APP: variants seen among roughly 807,000 people sequenced by gnomAD.
APP encodes amyloid-beta precursor protein.
A neutral mutation model predicts 101.4 loss-of-function variants in APP; 31 were observed. The observed-to-expected ratio is 0.31, with a 90% CI of 0.23 to 0.41. The LOEUF is 0.41. Among genes scored for constraint, APP ranks in the 10% least tolerant of loss-of-function variants. The probability of loss-of-function intolerance (pLI) is 1.00; values close to 1 mark genes in which losing one functional copy is unlikely to be tolerated. For synonymous variants in APP, 366 were observed against 364.4 expected, an observed-to-expected ratio of 1.00 and a Z score of -0.05; for missense variants, 839 against 1,003.7, an observed-to-expected ratio of 0.84 and a Z score of 2.22.
At chr21:25,891,081 T>A (rs924026416) in intron 17 of APP, among the ~76,000 whole-genome samples, 1 of 152,218 alleles carries the variant, frequency 6.6e-6, no homozygotes, top group Non-Finnish European at 1.5e-5. Flanking sequence ...TCGTAAATTT[T>A]CTTTCTCTCT....
intron 5 of APP, among the ~76,000 whole-genome samples, chr21:26,027,358 TTC>T (rs1243853733): frequency 6.6e-6 from 1 of 152,198 alleles, no homozygotes. Flanking sequence ...ACGGTTCTCC[TTC>T]TCTCTGTCTC....
At chr21:26,097,121 G>A (rs17001704) in intron 2 of APP, among the ~76,000 whole-genome samples, 2,556 of 152,192 alleles carry the variant, frequency 0.017, 29 homozygotes, top group South Asian at 0.029. Context: ...AAAAAGGCCC[G>A]GCTTGCATGC....
intron 5 of APP, among the ~76,000 whole-genome samples, chr21:26,025,207 T>A (rs55760856): frequency 6.6e-6 from 1 of 152,202 alleles, no homozygotes; most frequent in Non-Finnish European, 1.5e-5. Flanking sequence ...TGCCCTGAGC[T>A]TCTGCCTTTG....
intron 13 of APP, among the ~76,000 whole-genome samples, chr21:25,917,493 C>A (rs2039411599): frequency 1.3e-5 from 2 of 152,110 alleles, no homozygotes; most frequent in Admixed American, 6.5e-5. Context: ...GAATAGGAAG[C>A]AGATGAATTC....
intron 13 of APP, among the ~76,000 whole-genome samples, chr21:25,913,349 C>G (rs1048000495): frequency 6.6e-6 from 1 of 152,212 alleles, no homozygotes. Context: ...TCCCTATTCA[C>G]TGTGGCACCG....
chr21:26,134,354 C>T (rs1345252378), intron 1 of APP, among the ~76,000 whole-genome samples: 1 of 152,212 alleles, frequency 6.6e-6, no homozygotes, highest in African/African-American at 2.4e-5. Flanking sequence ...CAGGTTGTAG[C>T]CTGTGCTTCT....
At chr21:26,029,704 G>C (rs1023231327) in intron 5 of APP, among the ~76,000 whole-genome samples, 13 of 152,134 alleles carry the variant, frequency 8.5e-5, no homozygotes, top group African/African-American at 3.1e-4. Context: ...GCACAGAGCA[G>C]GTCTTGGCAA....
At chr21:26,021,452 C>T (rs2044333239) in intron 6 of APP, among the ~76,000 whole-genome samples, 1 of 152,052 alleles carries the variant, frequency 6.6e-6, no homozygotes, top group Non-Finnish European at 1.5e-5. Flanking sequence ...AAATCAAGTC[C>T]TTACCCTCAA....
chr21:25,993,079 C>T (rs1477363985), intron 8 of APP, among the ~76,000 whole-genome samples: 3 of 152,152 alleles, frequency 2.0e-5, no homozygotes, highest in South Asian at 2.1e-4. Flanking sequence ...GAGTTTTCTA[C>T]GATTTGAAAA....
intron 13 of APP, among the ~76,000 whole-genome samples, chr21:25,936,990 A>C (rs1212709939): frequency 1.3e-5 from 2 of 152,118 alleles, no homozygotes; most frequent in African/African-American, 4.8e-5. Flanking sequence ...CAAGGAAGTG[A>C]TTTATTTCAG....
At chr21:26,144,287 C>T (rs1275530867) in intron 1 of APP, among the ~76,000 whole-genome samples, 1 of 152,128 alleles carries the variant, frequency 6.6e-6, no homozygotes, top group East Asian at 1.9e-4. Flanking sequence ...GGAGCCAAAC[C>T]ACATCACTCA....
At chr21:26,062,143 G>T (rs1452439999) in intron 3 of APP, among the ~76,000 whole-genome samples, 1 of 151,910 alleles carries the variant, frequency 6.6e-6, no homozygotes, top group Non-Finnish European at 1.5e-5. Flanking sequence ...CAGGGAGGCG[G>T]AGGTTGCAGT....
intron 3 of APP, among the ~76,000 whole-genome samples, chr21:26,054,035 TACC>T (rs1475398768): frequency 6.6e-6 from 1 of 152,212 alleles, no homozygotes; most frequent in Non-Finnish European, 1.5e-5. Context: ...GATGGATAAT[TACC>T]ACATTATATG....
At chr21:25,994,249 C>T (rs1601144704) in intron 8 of APP, among the ~76,000 whole-genome samples, 1 of 152,150 alleles carries the variant, frequency 6.6e-6, no homozygotes, top group African/African-American at 2.4e-5. Flanking sequence ...TTGCACTGTC[C>T]TAAACCCAAA....
chr21:25,967,907 T>G (rs541624192), intron 11 of APP, among the ~76,000 whole-genome samples: 3 of 152,318 alleles, frequency 2.0e-5, no homozygotes, highest in Admixed American at 1.3e-4. Context: ...GAAGTTAACC[T>G]CCTGTGCTGC....
intron 6 of APP, among the ~76,000 whole-genome samples, chr21:26,014,860 AT>A (rs1195514039): frequency 1.3e-5 from 2 of 152,208 alleles, no homozygotes; most frequent in Non-Finnish European, 2.9e-5. Context: ...TTATCATCAC[AT>A]GAGACGGTGA....
intron 17 of APP, among the ~76,000 whole-genome samples, chr21:25,891,130 C>G (rs556962899): frequency 8.5e-4 from 130 of 152,226 alleles, no homozygotes; most frequent in Middle Eastern, 6.8e-3. Context: ...TAAGATATTT[C>G]AGGTGGAAGT....
intron 3 of APP, chr21:26,067,980 T>C (rs2046525567): frequency 6.6e-6 from 1 of 151,632 alleles, no homozygotes; most frequent in South Asian, 2.1e-4. Flanking sequence ...ATTAAGGTTA[T>C]ATACGGGGCT....
chr21:25,982,732 T>C (rs2042481692), intron 8 of APP, among the ~76,000 whole-genome samples: 2 of 152,194 alleles, frequency 1.3e-5, no homozygotes, highest in Non-Finnish European at 2.9e-5. Flanking sequence ...AATTATAGCA[T>C]TAGAGTTCTT....
Sources: gnomAD v4.1 joint callset for allele counts (sites outside exome capture counted in the v4.1 genomes callset) on GRCh38, gnomAD v4.1.1 for gene constraint, MANE v1.5 for transcripts, NCBI Gene and HGNC (gene_info 2026-07-23, HGNC 2026-07-21) for gene names.